The following AGA variants were observed in gnomAD, a reference collection of about 807,000 sequenced individuals.
AGA encodes N(4)-(beta-N-acetylglucosaminyl)-L-asparaginase.
A neutral mutation model predicts 40.1 loss-of-function variants in AGA; 31 were observed. The observed-to-expected ratio is 0.77, with a 90% CI of 0.58 to 1.04. AGA has a LOEUF of 1.04. AGA is among the 50% of genes least tolerant of loss of function. The pLI is 0.00. For missense variants in AGA, 445 were observed against 435.4 expected (o/e 1.02, Z -0.20); for synonymous variants, 148 against 144.0 (o/e 1.03, Z -0.20).
chr4:177,435,155 C>T (rs1409539177), intron 6 of AGA, among the ~76,000 whole-genome samples: 1 of 152,032 alleles, frequency 6.6e-6, no homozygotes, highest in Non-Finnish European at 1.5e-5. Flanking sequence ...AGGTGATCTG[C>T]CTGCCTTGGC....
intron 1 of AGA, among the ~76,000 whole-genome samples, chr4:177,441,105 C>A (rs780139795): frequency 1.3e-5 from 2 of 152,182 alleles, no homozygotes; most frequent in Non-Finnish European, 2.9e-5. Flanking sequence ...TGGACAATTT[C>A]TTTTCTGGTA....
At chr4:177,438,717 T>A in intron 4 of AGA, 28 bp downstream of exon 4, 1 of 1,431,530 alleles carries the variant, frequency 7.0e-7, no homozygotes, top group Non-Finnish European at 9.8e-7. Flanking sequence ...TCAATTAACT[T>A]ATTTTTTTAA....
At chr4:177,433,000 G>A (rs1736677458) in intron 8 of AGA, among the ~76,000 whole-genome samples, 2 of 152,134 alleles carry the variant, frequency 1.3e-5, no homozygotes, top group Admixed American at 1.3e-4. Flanking sequence ...GTCAGAGACT[G>A]GGTCATAACT....
intron 8 of AGA, 126 bp downstream of exon 8, chr4:177,433,088 C>A: frequency 7.6e-7 from 1 of 1,321,882 alleles, no homozygotes; most frequent in South Asian, 1.2e-5. Context: ...AACATTTACT[C>A]AATGCCCACT....
intron 4 of AGA, among the ~76,000 whole-genome samples, chr4:177,438,201 C>T (rs561975056): frequency 5.9e-5 from 9 of 151,966 alleles, no homozygotes; most frequent in Middle Eastern, 3.2e-3. Context: ...GATGGCTACT[C>T]GAAAGTAATT....
At position 177,433,213 on chromosome 4, in the gene AGA, C is replaced by G; in HGVS notation, c.940+1G>C. 3 of 1,614,034 alleles carry G rather than the reference C, an allele frequency of 1.9e-6. No individual in the cohort carries two copies. The highest frequency in any genetic ancestry group is 2.5e-6 in the Non-Finnish European group (3 of 1,179,960). Reference sequence around the variant, plus strand: ...AAATACAAAATCCAAACACAACTTACCGTAACTTCCAGTCACATTGGCACA... The same window carrying G: ...AAATACAAAATCCAAACACAACTTAGCGTAACTTCCAGTCACATTGGCACA... On this transcript the variant is annotated splice_donor_variant, in intron 8 of 8. Coordinates refer to ENST00000264595, the MANE Select transcript of AGA (RefSeq NM_000027.4). LOFTEE classifies it high-confidence loss of function.
Position 177,442,392 on chromosome 4 carries a change from G to A in AGA, c.-17C>T, listed in dbSNP as rs1560952682. 4.3e-6 allele frequency: 7 copies of A among 1,613,906 alleles called. No homozygotes were observed. Among genetic ancestry groups the A allele is most frequent in the African/African-American group, 2.7e-5 (2 of 75,032 alleles). The stretch of plus-strand genomic sequence containing the variant: ...CCGCGCCATCCCTGACCACCGAAGA[G>A]ACCAGCGCGAGAAAAGTCCCGGCAG... On this transcript the variant is annotated 5_prime_UTR_variant, in exon 1 of 9. Coordinates refer to ENST00000264595, the MANE Select transcript of AGA (RefSeq NM_000027.4).
At chr4:177,441,629 G>C (rs1165376095) in intron 1 of AGA, among the ~76,000 whole-genome samples, 1 of 152,102 alleles carries the variant, frequency 6.6e-6, no homozygotes. Flanking sequence ...ATCACCTAGG[G>C]AGCTTTTTAA....
rs1246288445 is a variant in AGA at position 177,437,494 on chromosome 4, T to A, written c.533A>T (p.Tyr178Phe). 1.2e-6 allele frequency: 2 copies of A among 1,610,708 alleles called. No individual in the cohort carries two copies. Among genetic ancestry groups the A allele is most frequent in the Non-Finnish European group, 1.7e-6 (2 of 1,177,058 alleles). The change falls in exon 5 of 9, where the codon TAC becomes TTC. Residue 178 changes from tyrosine to phenylalanine, a missense_variant. Transcript: ENST00000264595. ...ACCAGGTGGTTTGTAGGGTCCGCAGTATTTTGAGGGATCTGGTATAACATT... is the reference window on the plus strand; with the variant it reads ...ACCAGGTGGTTTGTAGGGTCCGCAGAATTTTGAGGGATCTGGTATAACATT... ...WRNVIPDPSK[Y>F]CGPYKPPGIL...
intron 5 of AGA, among the ~76,000 whole-genome samples, chr4:177,436,735 C>A (rs1579042577): frequency 6.6e-6 from 1 of 152,226 alleles, no homozygotes. Flanking sequence ...AAATAAATTT[C>A]TGTTGTTTAT....
In AGA at chr4:177,431,346, C is replaced by A. The variant is rs1297700679; in HGVS notation, c.*362G>T. 5 of 449,244 alleles carry A rather than the reference C, an allele frequency of 1.1e-5. No homozygotes were observed. In the Admixed American group the frequency reaches 1.2e-4, roughly 11 times the overall value. The allele number at this position is 449,244 out of a possible 1,614,324, so 27.8% of individuals were successfully genotyped here. A position where few individuals can be genotyped will look rare whatever the true frequency, so the allele number is the denominator to read the frequency against. On this transcript the variant is annotated 3_prime_UTR_variant, in exon 9 of 9. Transcript: ENST00000264595. The stretch of plus-strand genomic sequence containing the variant: ...TCTTTGGGTCTAAAAAACTTGTATA[C>A]TCTATTTTAAGCATCCAAATATGAT...
At chr4:177,437,911 G>A (rs1205420302) in intron 4 of AGA, among the ~76,000 whole-genome samples, 3 of 152,140 alleles carry the variant, frequency 2.0e-5, no homozygotes, top group Non-Finnish European at 4.4e-5. Flanking sequence ...AAAGAATTCT[G>A]AGACTTAAAG....
chr4:177,437,312 T>A, intron 5 of AGA, 93 bp downstream of exon 5: 1 of 899,156 alleles, frequency 1.1e-6, no homozygotes, highest in South Asian at 1.4e-5. Context: ...GTTAAAACAA[T>A]CAAAATCAAC....
chr4:177,438,686 A>G, intron 4 of AGA, 59 bp downstream of exon 4: 1 of 1,173,164 alleles, frequency 8.5e-7, no homozygotes, highest in Non-Finnish European at 1.3e-6. Flanking sequence ...CACTGAGCAG[A>G]AAGGATGTCA....
intron 6 of AGA, among the ~76,000 whole-genome samples, chr4:177,435,682 T>C (rs1344736674): frequency 6.6e-6 from 1 of 151,938 alleles, no homozygotes; most frequent in African/African-American, 2.4e-5. Flanking sequence ...CCAATACCAC[T>C]TCCCCTACCC....
intron 8 of AGA, among the ~76,000 whole-genome samples, chr4:177,432,763 T>C (rs562558193): frequency 6.6e-6 from 1 of 152,322 alleles, no homozygotes; most frequent in Admixed American, 6.5e-5. Flanking sequence ...ATAATTCTGC[T>C]AACCTCTTCG....
intron 8 of AGA, 115 bp from the exon 9 acceptor site, chr4:177,431,923 C>T (rs141743636): frequency 7.0e-6 from 6 of 862,940 alleles, no homozygotes; most frequent in Non-Finnish European, 1.1e-5. Flanking sequence ...TATGTCTAAG[C>T]CACATGGAAA....
At chr4:177,431,908 T>C in intron 8 of AGA, 100 bp from the exon 9 acceptor site, 1 of 961,930 alleles carries the variant, frequency 1.0e-6, no homozygotes. Context: ...GGCTACTGTA[T>C]ACCTTATGTC....
chr4:177,433,097 C>CT, intron 8 of AGA, 117 bp downstream of exon 8: 1 of 1,427,276 alleles, frequency 7.0e-7, no homozygotes, highest in Non-Finnish European at 9.8e-7. Flanking sequence ...TCAATGCCCA[C>CT]TTAAGGAGTC....
Sources: allele counts gnomAD v4.1 joint callset (sites outside exome capture counted in the v4.1 genomes callset), GRCh38; gene constraint gnomAD v4.1.1; transcripts MANE v1.5; gene names NCBI Gene and HGNC (gene_info 2026-07-23, HGNC 2026-07-21).